The following PTPN12 variants were observed in gnomAD, a reference collection of about 807,000 sequenced individuals.
PTPN12 encodes the protein protein tyrosine phosphatase non-receptor type 12.
A neutral mutation model predicts 97.6 loss-of-function variants in PTPN12; 29 were observed. The observed-to-expected ratio is 0.30, with a 90% CI of 0.22 to 0.41. The LOEUF is 0.41. Ranked by LOEUF, PTPN12 falls within the 10% of genes least tolerant of loss-of-function variation. PTPN12 has a pLI of 1.00. For missense variants in PTPN12, 819 were observed against 926.0 expected (o/e 0.88, Z 1.50); for synonymous variants, 327 against 300.4 (o/e 1.09, Z -0.91).
At chr7:77,638,434 A>G (rs1789683261) in intron 16 of PTPN12, among the ~76,000 whole-genome samples, 190 bp from the exon 17 acceptor site, 1 of 152,236 alleles carries the variant, frequency 6.6e-6, no homozygotes, top group Admixed American at 6.5e-5. Context: ...GTGTGACCAC[A>G]ATAATACCTG....
At chr7:77,616,386 C>T (rs1017034494) in intron 11 of PTPN12, among the ~76,000 whole-genome samples, 1 of 152,136 alleles carries the variant, frequency 6.6e-6, no homozygotes, top group African/African-American at 2.4e-5. Context: ...TACCAGACTA[C>T]ATTTTGAAGT....
rs549991896 is a variant in PTPN12 at position 77,613,292 on chromosome 7, A to G, written c.939+2246A>G. Among the ~76,000 whole-genome samples, 16 of 144,442 alleles carry G rather than the reference A, an allele frequency of 1.1e-4. No individual in the cohort carries two copies. The South Asian group carries it at 1.7e-3, about 16-fold the overall frequency. 94.8% of individuals were successfully genotyped at this position (144,442 alleles called of 152,430 possible). ...CGGGTTCATGTGATTTTCCTGCCTC[A>G]GCCTCCCAAGTAGCTGAGATTACAG... On this transcript the variant is annotated intron_variant, in intron 11 of 17. Coordinates refer to ENST00000248594, the MANE Select transcript of PTPN12 (RefSeq NM_002835.4).
In PTPN12 at chr7:77,639,552, A is replaced by G; in HGVS notation, c.*272A>G. Reference sequence around the variant, plus strand: ...GACATGTTAATATAGTAATACCTTTATGATATATTGAGTTTAAGGACTACT... The same window carrying G: ...GACATGTTAATATAGTAATACCTTTGTGATATATTGAGTTTAAGGACTACT... On this transcript the variant is annotated 3_prime_UTR_variant, in exon 18 of 18. Transcript: ENST00000248594. The G allele has an allele frequency of 2.8e-6, 1 of 351,354 alleles. No homozygotes were observed. The highest frequency in any genetic ancestry group is 5.1e-6 in the Non-Finnish European group (1 of 195,118). 21.8% of individuals were successfully genotyped at this position (351,354 alleles called of 1,614,324 possible). A position where few individuals can be genotyped will look rare whatever the true frequency, so the allele number is the denominator to read the frequency against.
At chr7:77,626,548 C>G (rs981212899) in intron 12 of PTPN12, among the ~76,000 whole-genome samples, 157 bp from the exon 13 acceptor site, 1 of 152,118 alleles carries the variant, frequency 6.6e-6, no homozygotes, top group African/African-American at 2.4e-5. Flanking sequence ...TGTGTATTAC[C>G]TTGATGAACA....
At chr7:77,585,646 T>C in intron 5 of PTPN12, 65 bp downstream of exon 5, 1 of 1,409,776 alleles carries the variant, frequency 7.1e-7, no homozygotes, top group Non-Finnish European at 1.0e-6. Context: ...TCTTTTATTA[T>C]TATAGTCTTA....
chr7:77,611,263 T>A (rs923198528), intron 11 of PTPN12, among the ~76,000 whole-genome samples: 1 of 152,232 alleles, frequency 6.6e-6, no homozygotes, highest in Non-Finnish European at 1.5e-5. Flanking sequence ...CTAAATGAAA[T>A]AAAGTTAGGA....
intron 10 of PTPN12, 41 bp from the exon 11 acceptor site, chr7:77,610,907 T>C (rs1337377906): frequency 2.5e-6 from 4 of 1,582,200 alleles, no homozygotes; most frequent in Non-Finnish European, 3.4e-6. Context: ...TTTTAAAATG[T>C]TGTTTTCATT....
chr7:77,615,487 C>A (rs1452834411), intron 11 of PTPN12, among the ~76,000 whole-genome samples: 1 of 152,194 alleles, frequency 6.6e-6, no homozygotes, highest in African/African-American at 2.4e-5. Context: ...CATTTCATGC[C>A]TATAATCCCA....
intron 5 of PTPN12, among the ~76,000 whole-genome samples, chr7:77,590,215 TATC>T (rs1314598481): frequency 1.3e-5 from 2 of 152,222 alleles, no homozygotes; most frequent in Non-Finnish European, 2.9e-5. Flanking sequence ...TAGTTTTTGA[TATC>T]ATTATTAGTT....
intron 1 of PTPN12, among the ~76,000 whole-genome samples, chr7:77,549,761 T>C (rs568228351): frequency 1.3e-5 from 2 of 152,176 alleles, no homozygotes; most frequent in South Asian, 4.1e-4. Context: ...TTTACCTTTT[T>C]TGTAGAGACG....
At chr7:77,618,456 G>A (rs1429400598) in intron 11 of PTPN12, 24 bp from the exon 12 acceptor site, 13 of 1,449,114 alleles carry the variant, frequency 9.0e-6, no homozygotes, top group South Asian at 1.2e-5. Context: ...CTTAACCTTA[G>A]TGAAGTATTT....
chr7:77,626,907 A>G lies in PTPN12; in HGVS notation c.1228A>G (p.Ser410Gly). The G allele has an allele frequency of 1.2e-6, 2 of 1,610,516 alleles. No homozygotes were observed. Among genetic ancestry groups the G allele is most frequent in the South Asian group, 1.1e-5 (1 of 90,500 alleles). ...TTCAGCAGACCTCAACAGAAACTAT[A>G]GTAAATCAACAGAACTTCCAGGGAA... Reference protein sequence around the residue: ...QHSADLNRNYSKSTELPGKNE... With the variant: ...QHSADLNRNYGKSTELPGKNE... The change falls in exon 13 of 18, where the codon AGT becomes GGT. Residue 410 changes from serine to glycine, a missense_variant. Ser to Gly is a moderately conservative substitution (Grantham distance 56). This residue lies in a region of PTPN12 where 607 missense variants were observed against 577.3 expected (regional missense o/e 1.05). Coordinates refer to ENST00000248594, the MANE Select transcript of PTPN12 (RefSeq NM_002835.4).
At chr7:77,540,491 G>A (rs556343124) in intron 1 of PTPN12, among the ~76,000 whole-genome samples, 2 of 151,794 alleles carry the variant, frequency 1.3e-5, no homozygotes, top group South Asian at 2.1e-4. Flanking sequence ...TGATCTGCCC[G>A]CCTCAGCCTC....
chr7:77,616,781 G>A (rs941620409), intron 11 of PTPN12, among the ~76,000 whole-genome samples: 1 of 152,022 alleles, frequency 6.6e-6, no homozygotes, highest in Non-Finnish European at 1.5e-5. Flanking sequence ...TATGTTGGGG[G>A]TACTTTTTTG....
At chr7:77,537,678 G>A in intron 1 of PTPN12, 33 bp downstream of exon 1, 2 of 1,553,088 alleles carry the variant, frequency 1.3e-6, no homozygotes, top group East Asian at 2.5e-5. Context: ...GCGTTTTCTT[G>A]CCGGCGCCGG....
intron 11 of PTPN12, among the ~76,000 whole-genome samples, chr7:77,616,629 TAGAAAC>T (rs1788760112): frequency 6.6e-6 from 1 of 152,252 alleles, no homozygotes; most frequent in African/African-American, 2.4e-5. Flanking sequence ...TTTTGTATGT[TAGAAAC>T]AGTTCAAAAG....
At chr7:77,616,231 C>T (rs1788745759) in intron 11 of PTPN12, among the ~76,000 whole-genome samples, 1 of 152,138 alleles carries the variant, frequency 6.6e-6, no homozygotes, top group South Asian at 2.1e-4. Flanking sequence ...CTGCATTTTA[C>T]CTTAATATTG....
intron 11 of PTPN12, among the ~76,000 whole-genome samples, chr7:77,612,093 A>G (rs898983136): frequency 6.6e-6 from 1 of 151,498 alleles, no homozygotes; most frequent in Non-Finnish European, 1.5e-5. Context: ...TATAACCTTC[A>G]TTTTCCTTTT....
At chr7:77,624,148 T>G (rs1936801606) in intron 12 of PTPN12, among the ~76,000 whole-genome samples, 1 of 151,932 alleles carries the variant, frequency 6.6e-6, no homozygotes, top group Non-Finnish European at 1.5e-5. Flanking sequence ...ACACCTGTAG[T>G]CCCAGCTGCT....
Sources: allele counts gnomAD v4.1 joint callset (sites outside exome capture counted in the v4.1 genomes callset), GRCh38; gene constraint gnomAD v4.1.1; regional missense constraint gnomAD v4.1.1; transcripts MANE v1.5; gene names NCBI Gene and HGNC (gene_info 2026-07-23, HGNC 2026-07-21).